TMEM268: variants seen among roughly 807,000 people sequenced by gnomAD.
TMEM268 encodes the protein transmembrane protein C9orf91.
Under a neutral mutation model 39.1 loss-of-function variants are expected in TMEM268, and 24 were observed. That is an observed-to-expected ratio of 0.61 (90% CI 0.44 to 0.86). The LOEUF is 0.86. TMEM268 is among the 40% of genes least tolerant of loss of function. The pLI is 0.00. For synonymous variants in TMEM268, 176 were observed against 173.5 expected (o/e 1.01, Z -0.12); for missense variants, 409 against 428.6 (o/e 0.95, Z 0.40).
At chr9:114,629,703 G>A (rs1044104046) in intron 5 of TMEM268, among the ~76,000 whole-genome samples, 2 of 152,138 alleles carry the variant, frequency 1.3e-5, no homozygotes, top group Non-Finnish European at 2.9e-5. Context: ...TCCATCCCCC[G>A]ATCCCTGGCA....
Position 114,617,233 on chromosome 9 carries a change from G to A in TMEM268, c.38G>A (p.Gly13Asp). ...CEPQVDPGAT[G>D]PLPPSSPGWS... ...CCACAGGTGGACCCGGGGGCCACTG[G>A]CCCATTGCCCCCCTCCTCCCCTGGC... is the stretch of plus-strand genomic sequence containing the variant. The change falls in exon 2 of 9, where the codon GGC (glycine) becomes GAC (aspartate). Residue 13 changes from glycine (G) to aspartate (D), a missense_variant. Transcript: ENST00000288502. 2 of 1,611,958 alleles carry A rather than the reference G, an allele frequency of 1.2e-6. No individual in the cohort carries two copies. Among genetic ancestry groups the A allele is most frequent in the Non-Finnish European group, 1.7e-6 (2 of 1,179,166 alleles).
intron 5 of TMEM268, among the ~76,000 whole-genome samples, chr9:114,633,455 T>G (rs1213148837): frequency 6.6e-6 from 1 of 152,068 alleles, no homozygotes; most frequent in African/African-American, 2.4e-5. Flanking sequence ...CCACCGCGCC[T>G]GGCCCCACGT....
At chr9:114,621,274 A>T (rs1845934509) in intron 2 of TMEM268, among the ~76,000 whole-genome samples, 1 of 150,170 alleles carries the variant, frequency 6.7e-6, no homozygotes, top group Non-Finnish European at 1.5e-5. Flanking sequence ...GAGCCTTGGG[A>T]GGTGGAGGTT....
At chr9:114,623,991 C>T (rs1374780607) in intron 2 of TMEM268, 3 of 208,264 alleles carry the variant, frequency 1.4e-5, no homozygotes, top group African/African-American at 7.0e-5. Context: ...CATCACCCCC[C>T]TCAATGTAGT....
Position 114,628,259 on chromosome 9 carries a change from T to A in TMEM268, c.474+9T>A, listed in dbSNP as rs1846244609. The A allele has an allele frequency of 1.2e-6, 2 of 1,612,332 alleles. No homozygotes were observed. The highest frequency in any genetic ancestry group is 1.7e-6 in the Non-Finnish European group (2 of 1,179,514). On this transcript the variant is annotated intron_variant, in intron 5 of 8. Coordinates refer to ENST00000288502, the MANE Select transcript of TMEM268 (RefSeq NM_153045.4). ...AAAGACACCAGAAGAAGGTGAGATG[T>A]CTGGAGATCCCTGCCACACTCTCTC...
At chr9:114,635,419 A>G (rs1390194461) in intron 6 of TMEM268, among the ~76,000 whole-genome samples, 1 of 149,810 alleles carries the variant, frequency 6.7e-6, no homozygotes, top group Non-Finnish European at 1.5e-5. Flanking sequence ...GCTCACCCCT[A>G]TAATCCTAGC....
intron 5 of TMEM268, among the ~76,000 whole-genome samples, chr9:114,628,617 A>G (rs1320487702): frequency 1.3e-5 from 2 of 152,192 alleles, no homozygotes; most frequent in African/African-American, 4.8e-5. Flanking sequence ...CCTGCAGCAC[A>G]GGGTGCCTAA....
intron 2 of TMEM268, among the ~76,000 whole-genome samples, chr9:114,621,194 A>C (rs1268602733): frequency 6.6e-6 from 1 of 151,894 alleles, no homozygotes; most frequent in Non-Finnish European, 1.5e-5. Context: ...TTAAAAAAAA[A>C]ATTAGCTGAG....
upstream of TMEM268, among the ~76,000 whole-genome samples, chr9:114,608,799 C>G (rs1427729413): frequency 6.6e-6 from 1 of 152,114 alleles, no homozygotes; most frequent in Non-Finnish European, 1.5e-5. Flanking sequence ...ACTGAATGTC[C>G]ATTTGTGGAT....
At chr9:114,619,242 C>T (rs1437601241) in intron 2 of TMEM268, among the ~76,000 whole-genome samples, 5 of 152,162 alleles carry the variant, frequency 3.3e-5, no homozygotes, top group African/African-American at 1.2e-4. Context: ...CACGTCAGTT[C>T]TTGTTCCTTT....
At chr9:114,613,201 A>AT in intron 1 of TMEM268, among the ~76,000 whole-genome samples, 1 of 152,306 alleles carries the variant, frequency 6.6e-6, no homozygotes, top group Non-Finnish European at 1.5e-5. Flanking sequence ...AAGCCTGCTG[A>AT]TTAGTACTTT....
chr9:114,620,444 T>C (rs1039400732), intron 2 of TMEM268, among the ~76,000 whole-genome samples: 1 of 152,066 alleles, frequency 6.6e-6, no homozygotes, highest in African/African-American at 2.4e-5. Context: ...ACGGGGTTTT[T>C]CACCATGTTG....
At chr9:114,612,757 A>C (rs927543406) in intron 1 of TMEM268, among the ~76,000 whole-genome samples, 1 of 152,030 alleles carries the variant, frequency 6.6e-6, no homozygotes, top group Non-Finnish European at 1.5e-5. Flanking sequence ...CACCCCAACC[A>C]AGGTGCTCCC....
intron 6 of TMEM268, among the ~76,000 whole-genome samples, chr9:114,634,979 A>G (rs910808476): frequency 1.3e-5 from 2 of 152,210 alleles, no homozygotes; most frequent in East Asian, 3.9e-4. Flanking sequence ...TTATCTTTGA[A>G]TCTCCTTTAT....
intron 8 of TMEM268, among the ~76,000 whole-genome samples, chr9:114,640,453 A>G (rs1440160836): frequency 3.3e-5 from 5 of 152,242 alleles, no homozygotes; most frequent in Admixed American, 3.3e-4. Context: ...TTTCTCATGC[A>G]TAAAATTCAT....
chr9:114,620,411 AT>A (rs1845903470), intron 2 of TMEM268, among the ~76,000 whole-genome samples: 1 of 151,716 alleles, frequency 6.6e-6, no homozygotes, highest in Admixed American at 6.6e-5. Flanking sequence ...CGTCTGGCTA[AT>A]TTTTTGTATT....
chr9:114,642,629 T>G (rs2133726925), intron 8 of TMEM268, among the ~76,000 whole-genome samples: 1 of 151,790 alleles, frequency 6.6e-6, no homozygotes, highest in Non-Finnish European at 1.5e-5. Flanking sequence ...TTTTATATTT[T>G]TAAAATATAT....
intron 6 of TMEM268, among the ~76,000 whole-genome samples, chr9:114,635,733 A>C (rs1226819215): frequency 6.6e-6 from 1 of 152,180 alleles, no homozygotes; most frequent in Non-Finnish European, 1.5e-5. Flanking sequence ...TCAGTTTCTA[A>C]ATAGTATCTT....
intron 8 of TMEM268, among the ~76,000 whole-genome samples, chr9:114,642,909 T>C (rs7027937): frequency 0.18 from 26,682 of 152,126 alleles, 2,502 homozygotes; most frequent in South Asian, 0.28. Flanking sequence ...AACGAGGACA[T>C]TGAGGCTGCA....
Sources: allele counts gnomAD v4.1 joint callset (sites outside exome capture counted in the v4.1 genomes callset), GRCh38; gene constraint gnomAD v4.1.1; transcripts MANE v1.5; gene names NCBI Gene and HGNC (gene_info 2026-07-23, HGNC 2026-07-21).